Variants in PGK1 observed in about 807,000 individuals in gnomAD.
The protein encoded by PGK1 is phosphoglycerate kinase 1.
In PGK1, 3 loss-of-function variants were observed where a neutral mutation model predicts 26.9. That is an observed-to-expected ratio of 0.11 (90% CI 0.05 to 0.29). PGK1 has a LOEUF of 0.29. PGK1 is among the 10% of genes least tolerant of loss of function. The probability of loss-of-function intolerance (pLI) is 1.00; values close to 1 mark genes in which losing one functional copy is unlikely to be tolerated. For synonymous variants in PGK1, 125 were observed against 115.3 expected (o/e 1.08, Z -0.54); for missense variants, 270 against 314.7 (o/e 0.86, Z 1.07).
At chrX:78,104,447 G>T in intron 1 of PGK1, 42 bp downstream of exon 1, 2 of 1,024,437 alleles carry the variant, frequency 2.0e-6, no homozygotes, top group Non-Finnish European at 2.8e-6. Flanking sequence ...GTGCTCTGTC[G>T]CAAACCTCTT....
chrX:78,121,823 A>G (rs2078356747), intron 6 of PGK1, among the ~76,000 whole-genome samples: 1 of 112,136 alleles, frequency 8.9e-6, no homozygotes, highest in Non-Finnish European at 1.9e-5. Context: ...ATGTTTCTCA[A>G]AGACCTAGAA....
intron 6 of PGK1, among the ~76,000 whole-genome samples, chrX:78,118,430 T>G (rs2078336709): frequency 9.1e-6 from 1 of 109,647 alleles, no homozygotes; most frequent in South Asian, 3.9e-4. Flanking sequence ...AAAAAAAAAT[T>G]AGCTGGGCGG....
At chrX:78,120,348 C>T (rs113245671) in intron 6 of PGK1, among the ~76,000 whole-genome samples, 26,976 of 105,798 alleles carry the variant, frequency 0.25, 3,029 homozygotes, top group East Asian at 0.36. Flanking sequence ...CACACACACA[C>T]ATATATATAC....
At chrX:78,123,492 A>T (rs1557248283) in intron 8 of PGK1, 118 bp downstream of exon 8, 1 of 592,568 alleles carries the variant, frequency 1.7e-6, no homozygotes. Flanking sequence ...GATCTGTCAG[A>T]GAGGGCTCTG....
chrX:78,109,446 T>G lies in PGK1; in HGVS notation c.66-421T>G, dbSNP rs1446001922. Among the ~76,000 whole-genome samples, 5 of 111,554 alleles carry G rather than the reference T, an allele frequency of 4.5e-5. No individual in the cohort carries two copies. In the Admixed American group the frequency reaches 4.8e-4, roughly 11 times the overall value. On this transcript the variant is annotated intron_variant, in intron 1 of 10. Coordinates refer to ENST00000373316, the MANE Select transcript of PGK1 (RefSeq NM_000291.4). ...TCTAGCTGCTACCCGGATACTATTGTGCCAGGCCCAGACAGATATCTTTTT... is the reference window on the plus strand; with the variant it reads ...TCTAGCTGCTACCCGGATACTATTGGGCCAGGCCCAGACAGATATCTTTTT...
Position 78,129,258 on chromosome X carries a change from T to TATCC in PGK1, c.*3431_*3432insCATC, listed in dbSNP as rs1569550958. On this transcript the variant is annotated 3_prime_UTR_variant, in exon 11 of 11. Transcript: ENST00000373316. ...CTATCTATCTATCTATCTATCTATCTATCTGTATATAGATATATTAAAATG... is the reference window on the plus strand; with the variant it reads ...CTATCTATCTATCTATCTATCTATCTATCCATCTGTATATAGATATATTAAAATG... The TATCC allele has an allele frequency of 9.0e-6, 1 of 111,242 alleles. No homozygotes were observed. The highest frequency in any genetic ancestry group is 2.8e-4 in the East Asian group (1 of 3,547). 9.2% of individuals were successfully genotyped at this position (111,242 alleles called of 1,213,427 possible). A position where few individuals can be genotyped will look rare whatever the true frequency, so the allele number is the denominator to read the frequency against.
chrX:78,108,903 TTC>T (rs2078285288), intron 1 of PGK1, among the ~76,000 whole-genome samples: 1 of 111,999 alleles, frequency 8.9e-6, no homozygotes, highest in Non-Finnish European at 1.9e-5. Flanking sequence ...GACTTACTAA[TTC>T]TCTCAGTAAC....
intron 2 of PGK1, among the ~76,000 whole-genome samples, chrX:78,113,026 G>C (rs1557247019): frequency 8.9e-6 from 1 of 112,350 alleles, no homozygotes; most frequent in Non-Finnish European, 1.9e-5. Context: ...TCTGCTGGGT[G>C]TGGTGGCTCA....
In PGK1 at chrX:78,122,923, T is replaced by G. The variant is rs2078363321; in HGVS notation, c.730T>G (p.Phe244Val). The change falls in exon 7 of 11, where the codon TTC becomes GTC. Residue 244 changes from phenylalanine (F) to valine (V), a missense_variant. Phe to Val is a conservative substitution (Grantham distance 50). This residue lies in a region of PGK1 where 17 missense variants were observed against 45.5 expected (regional missense o/e 0.37). Transcript: ENST00000373316. ...MIIGGGMAFT[F>V]LKVLNNMEIG... ...TATTGGTGGTGGAATGGCTTTTACC[T>G]TCCTTAAGGTGCTCAACAACATGGA... 2 of 1,173,115 alleles carry G rather than the reference T, an allele frequency of 1.7e-6. No homozygotes were observed. The highest frequency in any genetic ancestry group is 5.9e-5 in the East Asian group (2 of 33,722).
At chrX:78,115,894 T>G (rs2078324354) in intron 4 of PGK1, among the ~76,000 whole-genome samples, 1 of 111,438 alleles carries the variant, frequency 9.0e-6, no homozygotes, top group Non-Finnish European at 1.9e-5. Context: ...CTGTTGCCCA[T>G]GGTGGAGTGC....
At chrX:78,116,659 G>T (rs782086981) in intron 4 of PGK1, among the ~76,000 whole-genome samples, 1 of 112,470 alleles carries the variant, frequency 8.9e-6, no homozygotes, top group Non-Finnish European at 1.9e-5. Flanking sequence ...ATGCCTTGAT[G>T]GCAAGCTGAC....
At chrX:78,116,411 ATTC>A (rs2078326800) in intron 4 of PGK1, among the ~76,000 whole-genome samples, 1 of 112,269 alleles carries the variant, frequency 8.9e-6, no homozygotes, top group Non-Finnish European at 1.9e-5. Flanking sequence ...TGCCTCTGCA[ATTC>A]TTTGGATCTT....
chrX:78,109,987 T>C (rs1439237214), intron 2 of PGK1, 70 bp downstream of exon 2: 4 of 724,026 alleles, frequency 5.5e-6, no homozygotes, highest in Admixed American at 2.2e-5. Flanking sequence ...ATGTTTTTCC[T>C]TTCATATTGT....
intron 4 of PGK1, among the ~76,000 whole-genome samples, chrX:78,115,128 G>A (rs1423881409): frequency 9.0e-6 from 1 of 111,323 alleles, no homozygotes; most frequent in East Asian, 2.8e-4. Flanking sequence ...AGTATTAGGA[G>A]TCAAATGCTG....
At chrX:78,106,737 C>T (rs1053636842) in intron 1 of PGK1, 7 of 427,008 alleles carry the variant, frequency 1.6e-5, no homozygotes, top group Non-Finnish European at 1.8e-5. Context: ...TTTTTTAGGA[C>T]TCCGCAGTTG....
Position 78,113,843 on chromosome X carries a change from G to C in PGK1, c.216G>C (p.Met72Ile). 1 of 1,211,131 alleles carries C rather than the reference G, an allele frequency of 8.3e-7. No homozygotes were observed. The highest frequency in any genetic ancestry group is 1.1e-6 in the Non-Finnish European group (1 of 894,788). Residue 72 changes from methionine to isoleucine, a missense_variant, in exon 3 of 11, where the codon ATG becomes ATC. Physicochemically the swap from Met to Ile is conservative, Grantham distance 10. Around this residue, in one of 3 missense-constraint regions of PGK1, gnomAD observed 150 missense variants for 154.6 expected, o/e 0.97. Coordinates refer to ENST00000373316, the MANE Select transcript of PGK1 (RefSeq NM_000291.4). ...TAGGCCGGCCTGATGGTGTGCCCAT[G>C]CCTGACAAGTACTCCTTAGAGCCAG... ...SHLGRPDGVP[M>I]PDKYSLEPVA... is the part of the protein sequence containing the mutation.
In PGK1 at chrX:78,128,024, C is replaced by G. The variant is rs1246005838; in HGVS notation, c.*2194C>G. 3 of 112,529 alleles carry G rather than the reference C, an allele frequency of 2.7e-5. No homozygotes were observed. The highest frequency in any genetic ancestry group is 6.5e-5 in the African/African-American group (2 of 30,919). 9.3% of individuals were successfully genotyped at this position (112,529 alleles called of 1,213,427 possible). A position where few individuals can be genotyped will look rare whatever the true frequency, so the allele number is the denominator to read the frequency against. On this transcript the variant is annotated 3_prime_UTR_variant, in exon 11 of 11. Coordinates refer to ENST00000373316, the MANE Select transcript of PGK1 (RefSeq NM_000291.4). ...AATCTCTGACTGTACCTTTTAAGTA[C>G]TTTCTACTGGACTGTTTCCAGGATC...
chrX:78,123,787 T>G (rs1455121828), intron 8 of PGK1, among the ~76,000 whole-genome samples: 1 of 110,448 alleles, frequency 9.1e-6, no homozygotes, highest in East Asian at 2.9e-4. Flanking sequence ...TTTTGTATTT[T>G]TCATAGAGAC....
In PGK1 at chrX:78,104,272, A is replaced by T; in HGVS notation, c.-69A>T. 1 of 809,531 alleles carries T rather than the reference A, an allele frequency of 1.2e-6. No homozygotes were observed. Among genetic ancestry groups the T allele is most frequent in the Non-Finnish European group, 1.9e-6 (1 of 533,160 alleles). The allele number at this position is 809,531 out of a possible 1,213,427, so 66.7% of individuals were successfully genotyped here. On this transcript the variant is annotated 5_prime_UTR_variant, in exon 1 of 11. Coordinates refer to ENST00000373316, the MANE Select transcript of PGK1 (RefSeq NM_000291.4). ...TGTTCCGCATTCTGCAAGCCTCCGGAGCGCACGTCGGCAGTCGGCTCCCTC... is the reference window on the plus strand; with the variant it reads ...TGTTCCGCATTCTGCAAGCCTCCGGTGCGCACGTCGGCAGTCGGCTCCCTC...
Sources: allele counts gnomAD v4.1 joint callset (sites outside exome capture counted in the v4.1 genomes callset), GRCh38; gene constraint gnomAD v4.1.1; regional missense constraint gnomAD v4.1.1; transcripts MANE v1.5; gene names NCBI Gene and HGNC (gene_info 2026-07-23, HGNC 2026-07-21).